The following P2RY14 variants were observed in gnomAD, a reference collection of about 807,000 sequenced individuals.
P2RY14 encodes purinergic receptor P2Y14, also known as P2Y purinoceptor 14.
In P2RY14, 2 loss-of-function variants were observed where a neutral mutation model predicts 0.9. The ratio of observed to expected loss-of-function variants is 2.16; its 90% CI spans 0.88 to 6.79. P2RY14 has a LOEUF of 6.79. P2RY14 is among the 30% of genes most tolerant of loss of function. The probability of loss-of-function intolerance (pLI) is 0.05; values close to 1 mark genes in which losing one functional copy is unlikely to be tolerated. For missense variants in P2RY14, 378 were observed against 400.1 expected (o/e 0.94, Z 0.47); for synonymous variants, 158 against 147.2 (o/e 1.07, Z -0.53).
chr3:151,261,005 A>C (rs9757688), intron 1 of P2RY14, among the ~76,000 whole-genome samples: 4 of 151,834 alleles, frequency 2.6e-5, no homozygotes, highest in African/African-American at 9.7e-5. Context: ...TGTGTGTTGC[A>C]GGGCAAGCAT....
chr3:151,224,901 G>A (rs192696113), intron 1 of P2RY14, among the ~76,000 whole-genome samples: 1 of 152,098 alleles, frequency 6.6e-6, no homozygotes, highest in Admixed American at 6.5e-5. Flanking sequence ...CCTTTGCCAA[G>A]GCCGTTTGTT....
At chr3:151,232,645 A>G (rs892919057) in intron 1 of P2RY14, among the ~76,000 whole-genome samples, 3 of 152,228 alleles carry the variant, frequency 2.0e-5, no homozygotes, top group African/African-American at 7.2e-5. Context: ...GGGAATATGG[A>G]TGGAGCTGGA....
intron 1 of P2RY14, among the ~76,000 whole-genome samples, chr3:151,238,067 TTTTC>T (rs890437666): frequency 6.6e-6 from 1 of 152,214 alleles, no homozygotes; most frequent in African/African-American, 2.4e-5. Flanking sequence ...CGTTTTTTTC[TTTTC>T]TAACTAGTGC....
In P2RY14 at chr3:151,217,827, C is replaced by G. The variant is rs1286940172; in HGVS notation, c.-25+1708G>C. On this transcript the variant is annotated intron_variant, in intron 2 of 2. Transcript: ENST00000309170. ...GGGGTTAATGGTGAGAACATACTGT[C>G]TTACGGGTTCAAGTGTCTTAGAGCA... Among the ~76,000 whole-genome samples, 3 of 152,162 alleles carry G rather than the reference C, an allele frequency of 2.0e-5. No homozygotes were observed. The East Asian group carries it at 5.8e-4, about 29-fold the overall frequency.
At chr3:151,243,065 A>G (rs931975036) in intron 1 of P2RY14, among the ~76,000 whole-genome samples, 20 of 150,970 alleles carry the variant, frequency 1.3e-4, no homozygotes, top group African/African-American at 4.9e-4. Context: ...AAGTTTAGAG[A>G]AAAAAGAATA....
At chr3:151,247,937 GT>G (rs1358401087) in intron 1 of P2RY14, among the ~76,000 whole-genome samples, 4 of 74,368 alleles carry the variant, frequency 5.4e-5, no homozygotes, top group Non-Finnish European at 5.9e-5. Context: ...ATTTTCTTTT[GT>G]TTACTTTCTT....
chr3:151,236,807 C>T (rs575426526), intron 1 of P2RY14, among the ~76,000 whole-genome samples: 1 of 151,984 alleles, frequency 6.6e-6, no homozygotes, highest in African/African-American at 2.4e-5. Context: ...TTAAGTATTG[C>T]TATAATTAAT....
intron 1 of P2RY14, among the ~76,000 whole-genome samples, chr3:151,270,549 T>C (rs770715842): frequency 1.8e-4 from 28 of 152,286 alleles, no homozygotes; most frequent in South Asian, 4.1e-4. Context: ...TGTATTATGC[T>C]CAGAACACTG....
At chr3:151,253,447 C>A (rs973941358) in intron 1 of P2RY14, among the ~76,000 whole-genome samples, 5 of 152,302 alleles carry the variant, frequency 3.3e-5, no homozygotes, top group African/African-American at 1.2e-4. Flanking sequence ...CCTCCTCTGG[C>A]CTTTGTTGGG....
chr3:151,258,403 A>G lies in P2RY14; in HGVS notation c.-133+19884T>C, dbSNP rs563315838. 2.6e-5 allele frequency among the ~76,000 whole-genome samples: 4 copies of G among 152,192 alleles called. No homozygotes were observed. In the South Asian group the frequency reaches 8.3e-4, roughly 32 times the overall value. Reference sequence around the variant, plus strand: ...AACCAGGTGAAGAAAATTTTCTGTTATTTTCTTGAAGAATAAAATAAAAAG... The same window carrying G: ...AACCAGGTGAAGAAAATTTTCTGTTGTTTTCTTGAAGAATAAAATAAAAAG... On this transcript the variant is annotated intron_variant, in intron 1 of 2. Coordinates refer to ENST00000309170, the MANE Select transcript of P2RY14 (RefSeq NM_014879.4).
rs548639619 is a variant in P2RY14 at position 151,212,697 on chromosome 3, A to T, written c.*603T>A. The T allele has an allele frequency of 1.3e-5, 2 of 152,082 alleles. No individual in the cohort carries two copies. The highest frequency in any genetic ancestry group is 2.9e-5 in the Non-Finnish European group (2 of 68,010). The allele number at this position is 152,082 out of a possible 1,614,324, so 9.4% of individuals were successfully genotyped here. Reference sequence around the variant, plus strand: ...ATCAGAAAAAAAAAATTTTCTTGCTAAGTATACAATTAATATTCCTCTTCC... The same window carrying T: ...ATCAGAAAAAAAAAATTTTCTTGCTTAGTATACAATTAATATTCCTCTTCC... On this transcript the variant is annotated 3_prime_UTR_variant, in exon 3 of 3. Transcript: ENST00000309170.
At chr3:151,216,661 T>C (rs1207563745) in intron 2 of P2RY14, among the ~76,000 whole-genome samples, 1 of 152,196 alleles carries the variant, frequency 6.6e-6, no homozygotes, top group Non-Finnish European at 1.5e-5. Context: ...CTAGCACTAT[T>C]CTTCCTCTTC....
chr3:151,213,369 A>G lies in P2RY14; in HGVS notation c.948T>C (p.Ala316=), dbSNP rs746423596. Residue 316 remains alanine, a synonymous_variant, in exon 3 of 3, where the codon GCT becomes GCC. Transcript: ENST00000309170. The part of the protein sequence containing the change: ...LCKKLHIPLK[A]QNDLDISRIK... The stretch of plus-strand genomic sequence containing the variant: ...TTCTGGAAATGTCTAGGTCATTCTG[A>G]GCTTTTAATGGAATGTGCAATTTCT... 77 of 1,613,816 alleles carry G rather than the reference A, an allele frequency of 4.8e-5. No individual in the cohort carries two copies. Among genetic ancestry groups the G allele is most frequent in the Non-Finnish European group, 6.4e-5 (75 of 1,179,906 alleles).
chr3:151,268,617 A>G (rs1203782994), intron 1 of P2RY14, among the ~76,000 whole-genome samples: 1 of 152,144 alleles, frequency 6.6e-6, no homozygotes, highest in African/African-American at 2.4e-5. Flanking sequence ...GTTCATTCCC[A>G]TTAGTGGTTT....
intron 1 of P2RY14, among the ~76,000 whole-genome samples, chr3:151,250,471 T>C (rs1736630541): frequency 6.6e-6 from 1 of 152,174 alleles, no homozygotes; most frequent in Non-Finnish European, 1.5e-5. Flanking sequence ...TAACTACTGT[T>C]CTTCTCTACG....
intron 1 of P2RY14, among the ~76,000 whole-genome samples, chr3:151,234,896 T>C (rs1732420584): frequency 6.6e-6 from 1 of 152,204 alleles, no homozygotes; most frequent in Non-Finnish European, 1.5e-5. Flanking sequence ...GTGACTCTTT[T>C]ACCTATAATA....
At chr3:151,248,613 C>G (rs1736225373) in intron 1 of P2RY14, among the ~76,000 whole-genome samples, 1 of 152,044 alleles carries the variant, frequency 6.6e-6, no homozygotes, top group African/African-American at 2.4e-5. Flanking sequence ...ATAGGAATTT[C>G]CTAATGCCTA....
At chr3:151,241,574 G>C (rs1042687899) in intron 1 of P2RY14, among the ~76,000 whole-genome samples, 1 of 152,022 alleles carries the variant, frequency 6.6e-6, no homozygotes, top group Non-Finnish European at 1.5e-5. Flanking sequence ...ATGTTAACTG[G>C]AATACATATG....
Position 151,213,988 on chromosome 3 carries a change from A to G in P2RY14, c.329T>C (p.Val110Ala). The change falls in exon 3 of 3, where the codon GTG becomes GCG. Residue 110 changes from valine (V) to alanine (A), a missense_variant. Physicochemically the swap from Val to Ala is moderately conservative, Grantham distance 64. Coordinates refer to ENST00000309170, the MANE Select transcript of P2RY14 (RefSeq NM_014879.4). Reference sequence around the variant, plus strand: ...GTCAAAGCTGATGAGCCCAAAGAACACAATGCTGACGTACATGTTGACGTA... The same window carrying G: ...GTCAAAGCTGATGAGCCCAAAGAACGCAATGCTGACGTACATGTTGACGTA... ...LFYVNMYVSI[V>A]FFGLISFDRY... The G allele has an allele frequency of 1.2e-6, 2 of 1,614,112 alleles. No homozygotes were observed. Among genetic ancestry groups the G allele is most frequent in the Non-Finnish European group, 1.7e-6 (2 of 1,179,970 alleles).
Sources: allele counts gnomAD v4.1 joint callset (sites outside exome capture counted in the v4.1 genomes callset), GRCh38; gene constraint gnomAD v4.1.1; transcripts MANE v1.5; gene names NCBI Gene and HGNC (gene_info 2026-07-23, HGNC 2026-07-21).